The following SPATC1 variants were observed in gnomAD, a reference collection of about 807,000 sequenced individuals.
SPATC1 encodes speriolin.
Under a neutral mutation model 36.5 loss-of-function variants are expected in SPATC1, and 35 were observed. The ratio of observed to expected loss-of-function variants is 0.96; its 90% confidence interval spans 0.73 to 1.27. The LOEUF (loss-of-function observed/expected upper bound fraction) is 1.27, where lower values mean the gene tolerates loss of function less well. SPATC1 is among the 50% of genes most tolerant of loss of function. SPATC1 has a pLI of 0.00. For synonymous variants in SPATC1, 361 were observed against 353.6 expected (o/e 1.02, Z -0.24); for missense variants, 779 against 796.0 (o/e 0.98, Z 0.26).
chr8:144,039,827 C>A, intron 1 of SPATC1, 82 bp from the exon 2 acceptor site: 1 of 1,446,538 alleles, frequency 6.9e-7, no homozygotes, highest in Non-Finnish European at 9.5e-7. Context: ...CAGGCCCTAC[C>A]ACAGTGACAG....
chr8:144,012,683 G>C lies in SPATC1; in HGVS notation c.168G>C (p.Gly56=). ...TCGGCATCAGCGGGTTCACGAGTGG[G>C]CTTGGTGAGGCAACAGCAGGCCTTT... ...GGLGISGFTS[G]LGEATAGLSS... Residue 56 remains glycine, a synonymous_variant, in exon 1 of 5, where the codon GGG becomes GGC. Transcript: ENST00000377470. The C allele has an allele frequency of 6.4e-7, 1 of 1,551,714 alleles. No individual in the cohort carries two copies. Among genetic ancestry groups the C allele is most frequent in the South Asian group, 1.2e-5 (1 of 84,066 alleles).
intron 4 of SPATC1, 59 bp downstream of exon 4, chr8:144,041,430 G>T (rs533861033): frequency 6.3e-7 from 1 of 1,583,924 alleles, no homozygotes; most frequent in African/African-American, 1.3e-5. Context: ...GGGGCCGTGG[G>T]GACCCTGCAC....
rs1467828065 is a variant in SPATC1 at position 144,040,060 on chromosome 8, C to T, written c.363C>T (p.Leu121=). 3 of 1,613,190 alleles carry T rather than the reference C, an allele frequency of 1.9e-6. No individual in the cohort carries two copies. Among genetic ancestry groups the T allele is most frequent in the Non-Finnish European group, 1.7e-6 (2 of 1,179,974 alleles). The change falls in exon 2 of 5, where the codon CTC becomes CTT. Residue 121 remains leucine (L), a synonymous_variant. Transcript: ENST00000377470. ...GSLMSPLTGT[L]STLLSGPAPT... is the part of the protein sequence containing the mutation. The stretch of plus-strand genomic sequence containing the variant: ...TCATGAGCCCCCTGACAGGCACCCT[C>T]AGCACGCTGCTGTCTGGCCCAGCAC...
At chr8:144,020,619 C>G (rs1834496981) in intron 1 of SPATC1, among the ~76,000 whole-genome samples, 1 of 150,126 alleles carries the variant, frequency 6.7e-6, no homozygotes, top group East Asian at 2.0e-4. Context: ...CCTCTTCCTT[C>G]AGGACCCTCC....
chr8:144,026,987 C>CTTTTTTTTTTTTTTTT (rs1169014232), intron 1 of SPATC1, among the ~76,000 whole-genome samples: 10 of 114,302 alleles, frequency 8.7e-5, no homozygotes, highest in East Asian at 2.4e-4. Context: ...TTTTTTTTTT[C>CTTTTTTTTTTTTTTTT]TTTTTTTTTT....
chr8:144,038,504 C>T (rs984161136), intron 1 of SPATC1, among the ~76,000 whole-genome samples: 1 of 151,450 alleles, frequency 6.6e-6, no homozygotes, highest in Non-Finnish European at 1.5e-5. Context: ...CACTCTGTCA[C>T]CCAGGCTGGA....
At chr8:144,017,042 G>A (rs1834408664) in intron 1 of SPATC1, among the ~76,000 whole-genome samples, 1 of 152,180 alleles carries the variant, frequency 6.6e-6, no homozygotes, top group Admixed American at 6.6e-5. Context: ...ACTGAGACAG[G>A]GAGATGGATT....
chr8:144,039,439 C>T (rs1835001332), intron 1 of SPATC1, among the ~76,000 whole-genome samples: 1 of 152,244 alleles, frequency 6.6e-6, no homozygotes, highest in Admixed American at 6.5e-5. Context: ...CTGAGGAGCC[C>T]CCACCACAAA....
At chr8:144,015,993 C>T (rs1481536506) in intron 1 of SPATC1, among the ~76,000 whole-genome samples, 3 of 147,150 alleles carry the variant, frequency 2.0e-5, no homozygotes, top group African/African-American at 5.1e-5. Context: ...ACCCGGGAGG[C>T]GGAGCTTGCA....
In SPATC1 at chr8:144,041,357, GAGA is replaced by G. The variant is rs1448054370; in HGVS notation, c.1436_1438del (p.Lys479del). ...CGGCTTCACTGTCTCCAACATCCCA[GAGA>G]AGATCATCCAGGTGTGCGGCCAGGG... On this transcript the variant is annotated inframe_deletion, in exon 4 of 5. Coordinates refer to ENST00000377470, the MANE Select transcript of SPATC1 (RefSeq NM_198572.3). 4 of 1,610,094 alleles carry G rather than the reference GAGA, an allele frequency of 2.5e-6. No individual in the cohort carries two copies. Among genetic ancestry groups the G allele is most frequent in the Admixed American group, 1.7e-5 (1 of 60,004 alleles).
intron 1 of SPATC1, among the ~76,000 whole-genome samples, chr8:144,028,136 T>C (rs1185751053): frequency 7.9e-5 from 12 of 152,090 alleles, no homozygotes; most frequent in South Asian, 4.1e-4. Context: ...ATTTGAGACA[T>C]AGGCACAGGC....
chr8:144,023,612 G>C (rs1345176083), intron 1 of SPATC1, among the ~76,000 whole-genome samples: 37,991 of 74,680 alleles, frequency 0.51, 11,806 homozygotes, highest in African/African-American at 0.83. Flanking sequence ...CCCTGAAAAC[G>C]CTCTTCCCTC....
upstream of SPATC1, among the ~76,000 whole-genome samples, chr8:144,011,465 A>G (rs1345467581): frequency 1.3e-5 from 2 of 152,166 alleles, no homozygotes; most frequent in Admixed American, 6.5e-5. The surrounding 1 kb of genome is among the most constrained non-coding windows in gnomAD (Gnocchi z 4.5). Context: ...ACATTCTACC[A>G]GGAGTCTGTC....
At position 144,046,704 on chromosome 8, in the gene SPATC1, G is replaced by C; in HGVS notation, c.1524G>C (p.Met508Ile). 6.2e-7 allele frequency: 1 copy of C among 1,612,654 alleles called. No individual in the cohort carries two copies. Among genetic ancestry groups the C allele is most frequent in the Non-Finnish European group, 8.5e-7 (1 of 1,179,988 alleles). ...QRLTQRYVSV[M>I]NRLQSLGYNG... is the part of the protein sequence containing the mutation. The stretch of plus-strand genomic sequence containing the variant: ...TCACACAGCGCTATGTGAGCGTCAT[G>C]AACAGGCTGCAGAGTCTGGGCTACA... Residue 508 changes from methionine (M) to isoleucine (I), a missense_variant, in exon 5 of 5, where the codon ATG becomes ATC. Transcript: ENST00000377470. The surrounding 1 kb of genome is among the most constrained non-coding windows in gnomAD (Gnocchi z 6.6).
At chr8:144,031,450 CTTTTTTTTTTTTTT>C (rs1176896425) in intron 1 of SPATC1, among the ~76,000 whole-genome samples, 1 of 116,690 alleles carries the variant, frequency 8.6e-6, no homozygotes, top group Admixed American at 9.7e-5. Flanking sequence ...ATTTTTTTTT[CTTTTTTTTTTTTTT>C]TTTTTAGAGA....
rs1389138446 is a variant in SPATC1 at position 144,016,020 on chromosome 8, C to G, written c.211+3294C>G. Among the ~76,000 whole-genome samples, 1 of 148,054 alleles carries G rather than the reference C, an allele frequency of 6.8e-6. No homozygotes were observed. The highest frequency in any genetic ancestry group is 1.5e-5 in the Non-Finnish European group (1 of 67,010). On this transcript the variant is annotated intron_variant, in intron 1 of 4. Coordinates refer to ENST00000377470, the MANE Select transcript of SPATC1 (RefSeq NM_198572.3). This position sits in a 1 kb window ranked among gnomAD's most constrained non-coding sequence, Gnocchi z 4.5. Reference sequence around the variant, plus strand: ...GAGCTTGCAGTGAGCAGAGATGGCGCCACTGCACTCCAGCCTGGGCTGGAG... The same window carrying G: ...GAGCTTGCAGTGAGCAGAGATGGCGGCACTGCACTCCAGCCTGGGCTGGAG...
chr8:144,037,339 G>A (rs544580750), intron 1 of SPATC1, among the ~76,000 whole-genome samples: 77 of 151,802 alleles, frequency 5.1e-4, no homozygotes, highest in Admixed American at 2.4e-3. Flanking sequence ...CATTGAGAAC[G>A]GGCCATGATG....
chr8:144,020,450 A>C (rs1277281864), intron 1 of SPATC1, among the ~76,000 whole-genome samples: 46 of 73,368 alleles, frequency 6.3e-4, no homozygotes, highest in Non-Finnish European at 7.4e-4. Flanking sequence ...TCTCAGGACC[A>C]CCTTCCCGCA....
Position 144,038,432 on chromosome 8 carries a change from CA to C in SPATC1, c.212-1463del, listed in dbSNP as rs371767912. Among the ~76,000 whole-genome samples, 138 of 116,160 alleles carry C rather than the reference CA, an allele frequency of 1.2e-3. 1 individual carries two copies. The East Asian group carries it at 0.015, about 13-fold the overall frequency. The allele number at this position is 116,160 out of a possible 152,430, so 76.2% of individuals were successfully genotyped here. On this transcript the variant is annotated intron_variant, in intron 1 of 4. Coordinates refer to ENST00000377470, the MANE Select transcript of SPATC1 (RefSeq NM_198572.3). ...TGGGCAACAGAGCGAGACTCTGTCT[CA>C]AAAAAAAAAAAAACCGCATGAATTT...
Sources: gnomAD v4.1 joint callset for allele counts (sites outside exome capture counted in the v4.1 genomes callset) on GRCh38, gnomAD v4.1.1 for gene constraint, Gnocchi (gnomAD v3.1) non-coding constraint, MANE v1.5 for transcripts, NCBI Gene and HGNC (gene_info 2026-07-23, HGNC 2026-07-21) for gene names.